DGKH: variants seen among roughly 807,000 people sequenced by gnomAD.
The protein encoded by DGKH is DAG kinase eta.
DGKH carries 90 observed loss-of-function variants against 159.3 expected under a neutral mutation model. That is an observed-to-expected ratio of 0.57 (90% CI 0.48 to 0.67). DGKH has a LOEUF of 0.67. Among genes scored for constraint, DGKH ranks in the 30% least tolerant of loss-of-function variants. The pLI is 0.00. For synonymous variants in DGKH, 536 were observed against 553.8 expected (o/e 0.97, Z 0.45); for missense variants, 1,181 against 1,506.1 (o/e 0.78, Z 3.57).
At chr13:42,097,406 T>TG (rs1391946112) in intron 1 of DGKH, among the ~76,000 whole-genome samples, 2 of 152,162 alleles carry the variant, frequency 1.3e-5, no homozygotes, top group African/African-American at 4.8e-5. Context: ...GTTGGTTCAG[T>TG]GGGGGGACTT....
At position 42,048,892 on chromosome 13, in the gene DGKH, A is replaced by G; in HGVS notation, c.119A>G (p.Asp40Gly). The change falls in exon 1 of 30, where the codon GAC becomes GGC. Residue 40 changes from aspartate (D) to glycine (G), a missense_variant. This residue lies in a region of DGKH where 136 missense variants were observed against 132.2 expected (regional missense o/e 1.03). Coordinates refer to ENST00000337343, the MANE Select transcript of DGKH (RefSeq NM_178009.5). This position sits in a 1 kb window ranked among gnomAD's most constrained non-coding sequence, Gnocchi z 6.7. ...GCGGGGCCGGGAGAGGATTCGTCTG[A>G]CAGCGAAGCGGAGCAAGAGGGACCC... Reference protein sequence around the residue: ...ASAGPGEDSSDSEAEQEGPQK... With the variant: ...ASAGPGEDSSGSEAEQEGPQK... 7.3e-7 allele frequency: 1 copy of G among 1,373,476 alleles called. No homozygotes were observed. Among genetic ancestry groups the G allele is most frequent in the East Asian group, 2.8e-5 (1 of 35,770 alleles). 85.1% of individuals were successfully genotyped at this position (1,373,476 alleles called of 1,614,324 possible).
chr13:42,059,930 G>A (rs1882028663), intron 1 of DGKH, among the ~76,000 whole-genome samples: 1 of 135,882 alleles, frequency 7.4e-6, no homozygotes, highest in South Asian at 2.4e-4. Context: ...TATATATATA[G>A]AGTCTCACTC....
rs537091359 is a variant in DGKH at position 42,070,376 on chromosome 13, C to A, written c.192+21411C>A. The A allele has an allele frequency of 8.4e-6, 12 of 1,431,096 alleles. No individual in the cohort carries two copies. In the South Asian group the frequency reaches 1.3e-4, roughly 15 times the overall value. 88.6% of individuals were successfully genotyped at this position (1,431,096 alleles called of 1,614,324 possible). On this transcript the variant is annotated intron_variant, in intron 1 of 29. Coordinates refer to ENST00000337343, the MANE Select transcript of DGKH (RefSeq NM_178009.5). ...GATTCTAAAGTCAGCTGCATCTGTTCAAGTTCATGTGCACCTGCAAAAAGG... is the reference window on the plus strand; with the variant it reads ...GATTCTAAAGTCAGCTGCATCTGTTAAAGTTCATGTGCACCTGCAAAAAGG...
chr13:42,219,322 T>C lies in DGKH; in HGVS notation c.3306T>C (p.Tyr1102=). The change falls in exon 27 of 30, where the codon TAT becomes TAC. Residue 1102 remains tyrosine, a synonymous_variant. Transcript: ENST00000337343. The part of the protein sequence containing the change: ...LQKLTEIPWL[Y]YILHPNEDEE... ...AACTGACAGAGATTCCTTGGCTTTA[T>C]TATATCTTACACCCAAATGAGGATG... 3 of 1,613,974 alleles carry C rather than the reference T, an allele frequency of 1.9e-6. No homozygotes were observed. Among genetic ancestry groups the C allele is most frequent in the Non-Finnish European group, 2.5e-6 (3 of 1,179,892 alleles).
At position 42,219,735 on chromosome 13, in the gene DGKH, G is replaced by A. The variant is rs200276004; in HGVS notation, c.3383G>A (p.Arg1128Gln). The A allele has an allele frequency of 1.9e-5, 31 of 1,613,644 alleles. No homozygotes were observed. The highest frequency in any genetic ancestry group is 1.6e-4 in the Middle Eastern group (1 of 6,080). Residue 1128 changes from arginine to glutamine, a missense_variant, in exon 28 of 30, where the codon CGA (arginine) becomes CAA (glutamine). Around this residue, in one of 5 missense-constraint regions of DGKH, gnomAD observed 335 missense variants for 495.2 expected, o/e 0.68. Coordinates refer to ENST00000337343, the MANE Select transcript of DGKH (RefSeq NM_178009.5). ...AGGAACAACAGAAGCACCGTATTTC[G>A]AATAGTGCCAAAGTTTAAAAAGGAA... Reference protein sequence around the residue: ...TKRNNRSTVFRIVPKFKKEKV... With the variant: ...TKRNNRSTVFQIVPKFKKEKV...
intron 3 of DGKH, among the ~76,000 whole-genome samples, chr13:42,145,669 T>C (rs1214399517): frequency 6.6e-6 from 1 of 152,238 alleles, no homozygotes; most frequent in Non-Finnish European, 1.5e-5. Context: ...TGTCTTCCAC[T>C]GATCCAAACA....
At chr13:42,083,433 G>A (rs756778777) in intron 1 of DGKH, among the ~76,000 whole-genome samples, 1 of 152,156 alleles carries the variant, frequency 6.6e-6, no homozygotes. Context: ...CAGCTGCGAG[G>A]CTCAAATGGA....
At chr13:42,076,992 A>G (rs1406661318) in intron 1 of DGKH, among the ~76,000 whole-genome samples, 1 of 152,166 alleles carries the variant, frequency 6.6e-6, no homozygotes, top group Non-Finnish European at 1.5e-5. Flanking sequence ...CTGTTAAATG[A>G]AAGCCCTCAA....
chr13:42,070,225 G>T, intron 1 of DGKH: 2 of 1,082,378 alleles, frequency 1.8e-6, no homozygotes, highest in Non-Finnish European at 2.9e-6. Context: ...GAAATTCAGT[G>T]CTTCGCGACT....
intron 1 of DGKH, among the ~76,000 whole-genome samples, chr13:42,081,884 G>A (rs981355231): frequency 1.3e-5 from 2 of 152,074 alleles, no homozygotes; most frequent in Admixed American, 1.3e-4. Context: ...GTATTGAGGT[G>A]TCACTGTTCC....
chr13:42,099,420 TGTG>T (rs975553881), intron 1 of DGKH, among the ~76,000 whole-genome samples: 3 of 151,578 alleles, frequency 2.0e-5, no homozygotes, highest in African/African-American at 7.3e-5. Context: ...TCCGGAAAAA[TGTG>T]GGGTGTGCTA....
chr13:42,067,001 C>T (rs925951440), intron 1 of DGKH, among the ~76,000 whole-genome samples: 5 of 151,628 alleles, frequency 3.3e-5, no homozygotes, highest in African/African-American at 4.9e-5. Flanking sequence ...TTATATATGT[C>T]ATATATATTG....
At chr13:42,214,790 C>G (rs1957747368) in intron 25 of DGKH, among the ~76,000 whole-genome samples, 178 bp downstream of exon 25, 2 of 152,054 alleles carry the variant, frequency 1.3e-5, no homozygotes, top group African/African-American at 4.8e-5. Context: ...GTTATTTTTT[C>G]ATTCCTGCTC....
chr13:42,255,795 A>G (rs764297901), intron 30 of DGKH: 20 of 524,692 alleles, frequency 3.8e-5, no homozygotes, highest in Non-Finnish European at 6.3e-5. Context: ...TTTCTCTGTC[A>G]TTGGGTTAGG....
intron 3 of DGKH, 48 bp downstream of exon 3, chr13:42,129,680 C>T (rs1012507746): frequency 5.2e-6 from 8 of 1,532,038 alleles, no homozygotes; most frequent in Middle Eastern, 1.7e-4. Context: ...ATAGAATGAC[C>T]TTTCTTAAGC....
At chr13:42,177,577 C>T (rs957107138) in intron 12 of DGKH, among the ~76,000 whole-genome samples, 3 of 152,150 alleles carry the variant, frequency 2.0e-5, no homozygotes, top group South Asian at 2.1e-4. Context: ...ACTATCAAAT[C>T]GTTTGTGAGA....
chr13:42,172,067 A>G (rs1408211248), intron 11 of DGKH, among the ~76,000 whole-genome samples: 6 of 151,860 alleles, frequency 4.0e-5, no homozygotes, highest in African/African-American at 7.3e-5. Context: ...TGACCTCGTG[A>G]TCCGCCCGCC....
At chr13:42,102,661 C>G (rs1363966265) in intron 1 of DGKH, among the ~76,000 whole-genome samples, 1 of 152,210 alleles carries the variant, frequency 6.6e-6, no homozygotes, top group African/African-American at 2.4e-5. Flanking sequence ...CCTGGAATAG[C>G]CCAGATGGGG....
chr13:42,052,944 C>T (rs1881429370), intron 1 of DGKH, among the ~76,000 whole-genome samples: 1 of 152,102 alleles, frequency 6.6e-6, no homozygotes, highest in Non-Finnish European at 1.5e-5. Flanking sequence ...TATTTTTTGA[C>T]ATTTATATGT....
Sources: gnomAD v4.1 joint callset for allele counts (sites outside exome capture counted in the v4.1 genomes callset) on GRCh38, gnomAD v4.1.1 for gene constraint, gnomAD v4.1.1 regional missense constraint, Gnocchi (gnomAD v3.1) non-coding constraint, MANE v1.5 for transcripts, NCBI Gene and HGNC (gene_info 2026-07-23, HGNC 2026-07-21) for gene names.